Variants in ATPAF2 observed in about 807,000 individuals in gnomAD.
ATPAF2 encodes the protein ATP12 homolog.
Under a neutral mutation model 36.6 loss-of-function variants are expected in ATPAF2, and 30 were observed. That is an observed-to-expected ratio of 0.82 (90% CI 0.61 to 1.11). The LOEUF (loss-of-function observed/expected upper bound fraction) is 1.11, where lower values mean the gene tolerates loss of function less well. Among genes scored for constraint, ATPAF2 ranks in the 50% most tolerant of loss-of-function variants. The pLI is 0.00. For synonymous variants in ATPAF2, 140 were observed against 152.6 expected (o/e 0.92, Z 0.61); for missense variants, 321 against 372.3 (o/e 0.86, Z 1.13).
intron 3 of ATPAF2, 143 bp downstream of exon 3, chr17:18,028,089 A>G (rs2044573697): frequency 2.1e-6 from 2 of 939,850 alleles, no homozygotes; most frequent in Non-Finnish European, 3.5e-6. Flanking sequence ...TTAGCACGTT[A>G]GTGACTTGAG....
downstream of ATPAF2, chr17:18,016,651 T>C (rs1223528272): frequency 1.9e-6 from 3 of 1,612,440 alleles, no homozygotes; most frequent in Non-Finnish European, 1.7e-6. Context: ...CAACCTGGAA[T>C]GTGGCGACAT....
chr17:18,016,632 C>T (rs114758840), downstream of ATPAF2: 14 of 1,613,582 alleles, frequency 8.7e-6, no homozygotes, highest in African/African-American at 8.0e-5. Flanking sequence ...ACATGCAGAG[C>T]GAACTGGACA....
At chr17:18,020,708 T>C in intron 7 of ATPAF2, 1 of 156,082 alleles carries the variant, frequency 6.4e-6, no homozygotes, top group South Asian at 1.9e-4. Flanking sequence ...AGACAGGGTC[T>C]CACTCTGTCA....
At chr17:18,025,187 T>G in intron 4 of ATPAF2, 1 of 263,022 alleles carries the variant, frequency 3.8e-6, no homozygotes, top group Non-Finnish European at 7.4e-6. Context: ...CCTCACCCCC[T>G]CCAAGAGACT....
chr17:18,026,183 G>A, intron 4 of ATPAF2, 136 bp downstream of exon 4: 1 of 845,558 alleles, frequency 1.2e-6, no homozygotes, highest in Non-Finnish European at 2.0e-6. Flanking sequence ...GAGCAGCCAA[G>A]TGCCAAAGTC....
intron 3 of ATPAF2, chr17:18,026,755 T>G (rs1467930731): frequency 1.0e-5 from 4 of 395,940 alleles, no homozygotes; most frequent in Non-Finnish European, 1.4e-5. Context: ...GTACTATTAT[T>G]ATGTCCATCT....
intron 1 of ATPAF2, among the ~76,000 whole-genome samples, chr17:18,037,970 T>C (rs1475329229): frequency 6.6e-6 from 1 of 152,234 alleles, no homozygotes; most frequent in African/African-American, 2.4e-5. Context: ...ATCCCCAAGA[T>C]GGGAGTAAGC....
chr17:18,024,762 G>T, intron 4 of ATPAF2, 58 bp from the exon 5 acceptor site: 1 of 1,468,948 alleles, frequency 6.8e-7, no homozygotes, highest in Non-Finnish European at 9.5e-7. Context: ...TTCATTCAGT[G>T]ATAGAAAAGG....
chr17:18,030,320 C>CAAAAAAAAAAA (rs1162130285), intron 1 of ATPAF2, among the ~76,000 whole-genome samples: 3 of 64,110 alleles, frequency 4.7e-5, no homozygotes, highest in Admixed American at 2.1e-4. Context: ...GACTCCATCT[C>CAAAAAAAAAAA]AAAAAAAAAA....
rs150185337 is a variant in ATPAF2, at chr17:18,021,815, G to A, written c.546C>T (p.Pro182=). ...EISSSTSIMG[P]SIPAKTREVL... is the part of the protein sequence containing the mutation. Reference sequence around the variant, plus strand: ...CCTCCCGAGTTTTGGCAGGGATGCTGGGTCCCATTATGCTGGTGGAGGAGC... The same window carrying A: ...CCTCCCGAGTTTTGGCAGGGATGCTAGGTCCCATTATGCTGGTGGAGGAGC... The change falls in exon 6 of 8, where the codon CCC becomes CCT. Residue 182 remains proline, a synonymous_variant. Coordinates refer to ENST00000474627, the MANE Select transcript of ATPAF2 (RefSeq NM_145691.4). 1.2e-5 allele frequency: 20 copies of A among 1,614,084 alleles called. No homozygotes were observed. The African/African-American group carries it at 2.7e-4, about 22-fold the overall frequency.
chr17:18,021,120 C>T lies in ATPAF2; in HGVS notation c.732+3G>A, dbSNP rs781467489. On this transcript the variant is annotated splice_donor_region_variant and intron_variant, in intron 7 of 7. Coordinates refer to ENST00000474627, the MANE Select transcript of ATPAF2 (RefSeq NM_145691.4). ...AGGCGGGACCTGAGGTGCTGCTCCT[C>T]ACCTGGTACTCCTCCTCCAGGCGTG... is the stretch of plus-strand genomic sequence containing the variant. 3.1e-6 allele frequency: 5 copies of T among 1,611,972 alleles called. No homozygotes were observed. The South Asian group carries it at 3.3e-5, about 11-fold the overall frequency.
At chr17:18,034,417 ACAATGGT>A (rs2044677469) in intron 1 of ATPAF2, among the ~76,000 whole-genome samples, 1 of 152,212 alleles carries the variant, frequency 6.6e-6, no homozygotes, top group Non-Finnish European at 1.5e-5. Flanking sequence ...TTAAAAAAAA[ACAATGGT>A]CAAGGGATCT....
At chr17:18,022,491 G>C (rs965925280) in intron 5 of ATPAF2, among the ~76,000 whole-genome samples, 1 of 151,804 alleles carries the variant, frequency 6.6e-6, no homozygotes, top group Admixed American at 6.6e-5. Flanking sequence ...GCTCGAGCTG[G>C]TCTCAAACGC....
At chr17:18,023,489 A>T (rs1243079947) in intron 5 of ATPAF2, among the ~76,000 whole-genome samples, 1 of 152,358 alleles carries the variant, frequency 6.6e-6, no homozygotes, top group East Asian at 1.9e-4. Context: ...ACTGTAAGAA[A>T]TGGCTAAGTT....
rs1045541949 is a variant in ATPAF2 at position 18,039,142 on chromosome 17, T to G, written c.-129A>C. ...CAACGCCTCCTCAGAGCCCTCAACCTCCCTTGGACGCCGCCATCTTCCGCA... is the reference window on the plus strand; with the variant it reads ...CAACGCCTCCTCAGAGCCCTCAACCGCCCTTGGACGCCGCCATCTTCCGCA... On this transcript the variant is annotated 5_prime_UTR_variant, in exon 1 of 8. Transcript: ENST00000474627. The surrounding 1 kb of genome is among the most constrained non-coding windows in gnomAD (Gnocchi z 5.3). 3.8e-6 allele frequency: 5 copies of G among 1,314,866 alleles called. No individual in the cohort carries two copies. In the African/African-American group the frequency reaches 5.9e-5, roughly 15 times the overall value. The allele number at this position is 1,314,866 out of a possible 1,614,324, so 81.4% of individuals were successfully genotyped here.
At chr17:18,019,186 C>CACACACACACACACACACACACACA (rs71155310) in intron 7 of ATPAF2, among the ~76,000 whole-genome samples, 1 of 147,030 alleles carries the variant, frequency 6.8e-6, no homozygotes, top group African/African-American at 2.5e-5. Context: ...CACACACACA[C>CACACACACACACACACACACACACA]CCCACCACCC....
intron 1 of ATPAF2, among the ~76,000 whole-genome samples, chr17:18,030,830 CTT>C (rs34365252): frequency 0.027 from 2,163 of 79,958 alleles, 66 homozygotes; most frequent in African/African-American, 0.097. Flanking sequence ...CCACGCCTGG[CTT>C]TTTTTTTTTT....
intron 1 of ATPAF2, among the ~76,000 whole-genome samples, chr17:18,029,092 C>T (rs942027853): frequency 6.6e-6 from 1 of 152,190 alleles, no homozygotes; most frequent in South Asian, 2.1e-4. Flanking sequence ...AGCCAGTGTG[C>T]GTGCGCAGGG....
rs78195988 is a variant in ATPAF2, at chr17:18,026,113, A to T, written c.422+206T>A. On this transcript the variant is annotated intron_variant, in intron 4 of 7. Coordinates refer to ENST00000474627, the MANE Select transcript of ATPAF2 (RefSeq NM_145691.4). ...AGGAGCAGCTTCTGGGCTAGAGAAG[A>T]GGGGTGGCCATGTTCTGACACCATT... is the stretch of plus-strand genomic sequence containing the variant. The T allele has an allele frequency of 0.035, 22,220 of 642,916 alleles. 1,486 individuals carry two copies. The highest frequency in any genetic ancestry group is 0.24 in the East Asian group (8,647 of 36,146). The allele number at this position is 642,916 out of a possible 1,614,324, so 39.8% of individuals were successfully genotyped here. A position where few individuals can be genotyped will look rare whatever the true frequency, so the allele number is the denominator to read the frequency against.
Sources: gnomAD v4.1 joint callset for allele counts (sites outside exome capture counted in the v4.1 genomes callset) on GRCh38, gnomAD v4.1.1 for gene constraint, Gnocchi (gnomAD v3.1) non-coding constraint, MANE v1.5 for transcripts, NCBI Gene and HGNC (gene_info 2026-07-23, HGNC 2026-07-21) for gene names.